UNC13B: variants seen among roughly 807,000 people sequenced by gnomAD.
UNC13B encodes unc-13 homolog B, also known as protein unc-13 homolog B.
Under a neutral mutation model 211.0 loss-of-function variants are expected in UNC13B, and 144 were observed. The ratio of observed to expected loss-of-function variants is 0.68; its 90% CI spans 0.60 to 0.78. The LOEUF (loss-of-function observed/expected upper bound fraction) is 0.78, where lower values mean the gene tolerates loss of function less well. Among genes scored for constraint, UNC13B ranks in the 30% least tolerant of loss-of-function variants. The probability of loss-of-function intolerance (pLI) is 0.00; values close to 1 mark genes in which losing one functional copy is unlikely to be tolerated. For synonymous variants in UNC13B, 709 were observed against 725.8 expected (o/e 0.98, Z 0.37); for missense variants, 1,777 against 2,002.0 (o/e 0.89, Z 2.14).
At chr9:35,322,348 G>A (rs1213893495) in intron 11 of UNC13B, among the ~76,000 whole-genome samples, 2 of 152,108 alleles carry the variant, frequency 1.3e-5, no homozygotes, top group Non-Finnish European at 2.9e-5. Flanking sequence ...CGGTGGCAGC[G>A]GGTGGGTGGG....
chr9:35,390,750 C>G (rs756050201), intron 26 of UNC13B, 36 bp downstream of exon 26: 4 of 1,584,466 alleles, frequency 2.5e-6, no homozygotes, highest in Non-Finnish European at 2.6e-6. Flanking sequence ...CTGCCAGGCT[C>G]CTAGCCCAAG....
intron 13 of UNC13B, 75 bp from the exon 14 acceptor site, chr9:35,375,052 T>G: frequency 1.3e-6 from 2 of 1,490,662 alleles, no homozygotes; most frequent in South Asian, 2.3e-5. Flanking sequence ...GTGGCTTTGG[T>G]CACTGAAGCT....
rs949966566 is a variant in UNC13B at position 35,301,014 on chromosome 9, G to A, written c.1610G>A (p.Gly537Asp). ...TTGACTGGAGTACAATGTGCTGTTG[G>A]TTCTTTGTTTAGTTCACTCACAGAA... Reference protein sequence around the residue: ...PELTGVQCAVGSLFSSLTEKV... With the variant: ...PELTGVQCAVDSLFSSLTEKV... The change falls in exon 9 of 40, where the codon GGT becomes GAT. Residue 537 changes from glycine (G) to aspartate (D), a missense_variant. By Grantham distance (94) the Gly-to-Asp change is moderately conservative. Coordinates refer to ENST00000635942, the MANE Select transcript of UNC13B (RefSeq NM_001371189.2). 2.5e-6 allele frequency: 1 copy of A among 398,938 alleles called. No individual in the cohort carries two copies. Among genetic ancestry groups the A allele is most frequent in the Non-Finnish European group, 4.4e-6 (1 of 225,994 alleles). The allele number at this position is 398,938 out of a possible 1,614,324, so 24.7% of individuals were successfully genotyped here.
chr9:35,193,752 G>A (rs901626382), intron 1 of UNC13B, among the ~76,000 whole-genome samples: 6 of 151,656 alleles, frequency 4.0e-5, no homozygotes, highest in African/African-American at 1.5e-4. Context: ...TTTGGAGGAT[G>A]TTTTATTCCT....
chr9:35,291,773 T>C (rs947203976), intron 7 of UNC13B, among the ~76,000 whole-genome samples: 45 of 152,180 alleles, frequency 3.0e-4, no homozygotes, highest in African/African-American at 1.1e-3. Context: ...TTACAGGATC[T>C]GGTTGAGTCT....
At chr9:35,350,500 C>T (rs1437885365) in intron 11 of UNC13B, among the ~76,000 whole-genome samples, 3 of 152,178 alleles carry the variant, frequency 2.0e-5, no homozygotes, top group African/African-American at 4.8e-5. Flanking sequence ...CAGATATTGA[C>T]TAGCTGCAGC....
Position 35,386,241 on chromosome 9 carries a change from A to G in UNC13B, c.11042A>G (p.Tyr3681Cys), listed in dbSNP as rs1835182104. Reference protein sequence around the residue: ...DCVKACLNSTYEYIFNNCHDL... With the variant: ...DCVKACLNSTCEYIFNNCHDL... ...GTGAAGGCCTGTTTGAACTCCACATATGAATATATCTTCAACAACTGCCAC... is the reference window on the plus strand; with the variant it reads ...GTGAAGGCCTGTTTGAACTCCACATGTGAATATATCTTCAACAACTGCCAC... The change falls in exon 24 of 40, where the codon TAT becomes TGT. Residue 3681 changes from tyrosine (Y) to cysteine (C), a missense_variant. Physicochemically the swap from Tyr to Cys is radical, Grantham distance 194 (BLOSUM62 -2). Transcript: ENST00000635942. The G allele has an allele frequency of 6.2e-7, 1 of 1,614,158 alleles. No homozygotes were observed.
chr9:35,244,513 C>T (rs150305497), intron 6 of UNC13B, among the ~76,000 whole-genome samples: 1 of 152,312 alleles, frequency 6.6e-6, no homozygotes, highest in Non-Finnish European at 1.5e-5. Context: ...ATCAGTTCAG[C>T]TCCGTCTAGA....
At chr9:35,186,628 A>G (rs1822375389) in intron 1 of UNC13B, among the ~76,000 whole-genome samples, 1 of 152,132 alleles carries the variant, frequency 6.6e-6, no homozygotes, top group Non-Finnish European at 1.5e-5. Context: ...CAAGAGGAAA[A>G]AGCTGACTGG....
intron 7 of UNC13B, among the ~76,000 whole-genome samples, chr9:35,293,304 A>G (rs1829185089): frequency 6.6e-6 from 1 of 152,222 alleles, no homozygotes; most frequent in Admixed American, 6.5e-5. Context: ...AAAGCAGACT[A>G]TTATTTAGGA....
chr9:35,217,688 G>A (rs950323420), intron 1 of UNC13B, among the ~76,000 whole-genome samples: 3 of 151,904 alleles, frequency 2.0e-5, no homozygotes, highest in African/African-American at 4.8e-5. Flanking sequence ...TGTGCCCGGC[G>A]CCTACTATCA....
chr9:35,399,736 GC>G lies in UNC13B; in HGVS notation c.12336+14del, dbSNP rs34205095. ...CGCCCTGGACACCATCAAGGTGGAG[GC>G]CCCCCCTTTTTCAGACAGTCTTAAC... On this transcript the variant is annotated splice_region_variant and intron_variant, in intron 36 of 39. Coordinates refer to ENST00000635942, the MANE Select transcript of UNC13B (RefSeq NM_001371189.2). 2 of 1,613,782 alleles carry G rather than the reference GC, an allele frequency of 1.2e-6. No individual in the cohort carries two copies. The highest frequency in any genetic ancestry group is 1.7e-6 in the Non-Finnish European group (2 of 1,179,872).
intron 3 of UNC13B, among the ~76,000 whole-genome samples, chr9:35,232,063 A>C (rs1169562405): frequency 6.6e-6 from 1 of 151,844 alleles, no homozygotes; most frequent in Non-Finnish European, 1.5e-5. Context: ...TGAAATTTGA[A>C]ACTGAACTGA....
intron 24 of UNC13B, among the ~76,000 whole-genome samples, chr9:35,389,026 T>C (rs959952699): frequency 2.6e-5 from 4 of 152,228 alleles, no homozygotes; most frequent in Non-Finnish European, 4.4e-5. Context: ...TGCAGGCTTA[T>C]TAAGGACTGT....
chr9:35,196,314 C>G (rs570658752), intron 1 of UNC13B, among the ~76,000 whole-genome samples: 2 of 152,292 alleles, frequency 1.3e-5, no homozygotes, highest in African/African-American at 4.8e-5. Flanking sequence ...GGAAATTGTT[C>G]CATGCATAGA....
At chr9:35,245,323 G>A (rs924673901) in intron 6 of UNC13B, among the ~76,000 whole-genome samples, 14 of 150,894 alleles carry the variant, frequency 9.3e-5, no homozygotes, top group Non-Finnish European at 1.6e-4. Flanking sequence ...CTGCATATCA[G>A]ATTTTTGCTT....
Position 35,397,218 on chromosome 9 carries a change from T to C in UNC13B, c.11584T>C (p.Phe3862Leu), listed in dbSNP as rs1198818032. 6.2e-7 allele frequency: 1 copy of C among 1,614,078 alleles called. No individual in the cohort carries two copies. Among genetic ancestry groups the C allele is most frequent in the African/African-American group, 1.3e-5 (1 of 74,932 alleles). Residue 3862 changes from phenylalanine to leucine, a missense_variant, in exon 29 of 40, where the codon TTC becomes CTC. By Grantham distance (22) the Phe-to-Leu change is conservative. Coordinates refer to ENST00000635942, the MANE Select transcript of UNC13B (RefSeq NM_001371189.2). ...ALFSCSVVDV[F>L]TQLNQSFEII... ...CTTTTCCTGCTCTGTGGTGGATGTC[T>C]TCACACAACTCAATCAGAGCTTTGA...
intron 7 of UNC13B, among the ~76,000 whole-genome samples, chr9:35,273,440 T>C (rs1448373633): frequency 6.6e-6 from 1 of 152,226 alleles, no homozygotes; most frequent in African/African-American, 2.4e-5. Flanking sequence ...TTCAATGCTT[T>C]CCACTAGTTT....
chr9:35,285,317 C>G (rs574339987), intron 7 of UNC13B, among the ~76,000 whole-genome samples: 14 of 152,266 alleles, frequency 9.2e-5, no homozygotes, highest in African/African-American at 3.1e-4. Context: ...ATTCAAGAAT[C>G]ATTGGCATGA....
Sources: allele counts gnomAD v4.1 joint callset (sites outside exome capture counted in the v4.1 genomes callset), GRCh38; gene constraint gnomAD v4.1.1; transcripts MANE v1.5; gene names NCBI Gene and HGNC (gene_info 2026-07-23, HGNC 2026-07-21).